The following TANGO6 variants were observed in gnomAD, a reference collection of about 807,000 sequenced individuals.
TANGO6 encodes the protein transport and golgi organization 6 homolog.
Under a neutral mutation model 114.2 loss-of-function variants are expected in TANGO6, and 90 were observed. The observed-to-expected ratio is 0.79, with a 90% confidence interval of 0.66 to 0.94. The LOEUF (loss-of-function observed/expected upper bound fraction) is 0.94, where lower values mean the gene tolerates loss of function less well. Among genes scored for constraint, TANGO6 ranks in the 40% least tolerant of loss-of-function variants. The pLI, the probability that TANGO6 is intolerant of heterozygous loss-of-function variation, is 0.00. For missense variants in TANGO6, 1,274 were observed against 1,315.3 expected (o/e 0.97, Z 0.49); for synonymous variants, 477 against 509.8 (o/e 0.94, Z 0.87).
rs868162196 is a variant in TANGO6 at position 69,042,776 on chromosome 16, T to C, written c.3108+2355T>C. Among the ~76,000 whole-genome samples the C allele has an allele frequency of 4.6e-5, 7 of 152,238 alleles. No homozygotes were observed. In the South Asian group the frequency reaches 1.5e-3, roughly 32 times the overall value. ...AGAGGGAGTTAAGAAGAATCAGTGTTTTTCATCCATTGTTAAGATCTACAA... is the reference window on the plus strand; with the variant it reads ...AGAGGGAGTTAAGAAGAATCAGTGTCTTTCATCCATTGTTAAGATCTACAA... On this transcript the variant is annotated intron_variant, in intron 17 of 17. Coordinates refer to ENST00000261778, the MANE Select transcript of TANGO6 (RefSeq NM_024562.2).
At position 69,061,420 on chromosome 16, in the gene TANGO6, G is replaced by A. The variant is rs374658791; in HGVS notation, c.3108+20999G>A. Among the ~76,000 whole-genome samples the A allele has an allele frequency of 9.9e-5, 15 of 152,042 alleles. No individual in the cohort carries two copies. In the East Asian group the frequency reaches 1.6e-3, roughly 16 times the overall value. ...CTCTACTAAAAATACAAAAATTAGC[G>A]GGGTGTGGTGGCATGCACCTGTAGT... On this transcript the variant is annotated intron_variant, in intron 17 of 17. Coordinates refer to ENST00000261778, the MANE Select transcript of TANGO6 (RefSeq NM_024562.2).
rs1410922715 is a variant in TANGO6 at position 69,059,923 on chromosome 16, C to T, written c.3108+19502C>T. On this transcript the variant is annotated intron_variant, in intron 17 of 17. Transcript: ENST00000261778. Reference sequence around the variant, plus strand: ...ACTCCTTTGCATGACATACAAGGCCCTTTGTAATCTGGACCCACCTGCCTT... The same window carrying T: ...ACTCCTTTGCATGACATACAAGGCCTTTTGTAATCTGGACCCACCTGCCTT... 2.6e-5 allele frequency among the ~76,000 whole-genome samples: 4 copies of T among 152,118 alleles called. No homozygotes were observed. The East Asian group carries it at 7.7e-4, about 29-fold the overall frequency.
intron 14 of TANGO6, among the ~76,000 whole-genome samples, chr16:68,952,982 G>A (rs984466921): frequency 2.0e-5 from 3 of 151,462 alleles, no homozygotes; most frequent in African/African-American, 7.3e-5. Context: ...ATTTTCTTTG[G>A]CAATTAGGGT....
At chr16:68,894,901 C>T (rs1271567505) in intron 7 of TANGO6, among the ~76,000 whole-genome samples, 3 of 152,066 alleles carry the variant, frequency 2.0e-5, no homozygotes, top group East Asian at 3.9e-4. Flanking sequence ...ACCTCCGAGT[C>T]CCTGGCAACC....
At chr16:68,924,245 C>A (rs963524499) in intron 12 of TANGO6, among the ~76,000 whole-genome samples, 1 of 152,206 alleles carries the variant, frequency 6.6e-6, no homozygotes, top group African/African-American at 2.4e-5. Context: ...TCATTGTGCT[C>A]ATTTATACAC....
chr16:69,004,006 CA>C (rs112221940), intron 15 of TANGO6, among the ~76,000 whole-genome samples: 1,451 of 143,874 alleles, frequency 0.01, 20 homozygotes, highest in African/African-American at 0.034. Context: ...TCTGAATTGG[CA>C]AAAAAAAAAA....
chr16:69,008,937 C>T (rs1964120279), intron 15 of TANGO6, among the ~76,000 whole-genome samples: 1 of 151,796 alleles, frequency 6.6e-6, no homozygotes, highest in African/African-American at 2.4e-5. Flanking sequence ...CCACCGAGCC[C>T]GGCTGAAGTT....
rs140518468 is a variant in TANGO6 at position 68,851,366 on chromosome 16, G to A, written c.94+7655G>A. On this transcript the variant is annotated intron_variant, in intron 1 of 17. Coordinates refer to ENST00000261778, the MANE Select transcript of TANGO6 (RefSeq NM_024562.2). ...GTAGAGACAGGGTTTCACCATGTTG[G>A]TCAGGCTGGCCTCGAACTCCTGACC... Among the ~76,000 whole-genome samples the A allele has an allele frequency of 4.8e-3, 731 of 152,136 alleles. 4 individuals are homozygous for A. Among genetic ancestry groups the A allele is most frequent in the African/African-American group, 0.017 (707 of 41,498 alleles).
intron 9 of TANGO6, among the ~76,000 whole-genome samples, chr16:68,903,530 A>G (rs1962810677): frequency 6.7e-6 from 1 of 149,268 alleles, no homozygotes; most frequent in African/African-American, 2.5e-5. Flanking sequence ...GAGGCAAAAG[A>G]ATTGCTTGAA....
At chr16:69,022,080 G>A (rs1249516356) in intron 15 of TANGO6, among the ~76,000 whole-genome samples, 2 of 151,622 alleles carry the variant, frequency 1.3e-5, no homozygotes, top group Non-Finnish European at 2.9e-5. Context: ...AGAGACGGGG[G>A]TTTCACCGTG....
In TANGO6 at chr16:69,014,443, A is replaced by G. The variant is rs375335168; in HGVS notation, c.2843-8385A>G. 7.9e-5 allele frequency among the ~76,000 whole-genome samples: 12 copies of G among 152,188 alleles called. No homozygotes were observed. In the South Asian group the frequency reaches 2.5e-3, roughly 32 times the overall value. On this transcript the variant is annotated intron_variant, in intron 15 of 17. Transcript: ENST00000261778. ...AAAGCAAAGGGAGATGTCCACCACG[A>G]TTCACTTAGACCAATGGAAACTGTA...
chr16:69,014,873 G>A (rs1959261253), intron 15 of TANGO6, among the ~76,000 whole-genome samples: 2 of 149,694 alleles, frequency 1.3e-5, no homozygotes, highest in South Asian at 2.1e-4. Context: ...TCTAGCCTGG[G>A]TGACAGAACA....
Position 68,996,490 on chromosome 16 carries a change from A to G in TANGO6, c.2842+22322A>G, listed in dbSNP as rs1329865826. Among the ~76,000 whole-genome samples the G allele has an allele frequency of 3.9e-5, 6 of 152,276 alleles. No homozygotes were observed. The East Asian group carries it at 5.8e-4, about 15-fold the overall frequency. On this transcript the variant is annotated intron_variant, in intron 15 of 17. Coordinates refer to ENST00000261778, the MANE Select transcript of TANGO6 (RefSeq NM_024562.2). The stretch of plus-strand genomic sequence containing the variant: ...CTGAAATGCAGGGAAAAAAGAGTAG[A>G]TGTTAGCGAGCACAAAAAAGGGGCA...
At chr16:68,850,161 A>G (rs898611549) in intron 1 of TANGO6, among the ~76,000 whole-genome samples, 3 of 151,874 alleles carry the variant, frequency 2.0e-5, no homozygotes, top group Non-Finnish European at 4.4e-5. Context: ...TTTGGTAGAG[A>G]TGGGGTTTCA....
At chr16:68,879,205 A>T (rs1962418775) in intron 6 of TANGO6, among the ~76,000 whole-genome samples, 1 of 151,926 alleles carries the variant, frequency 6.6e-6, no homozygotes, top group African/African-American at 2.4e-5. Context: ...TCCTGGGCTC[A>T]AGCGATCTTC....
intron 17 of TANGO6, among the ~76,000 whole-genome samples, chr16:69,068,026 A>G (rs1016711046): frequency 6.6e-6 from 1 of 151,800 alleles, no homozygotes; most frequent in Non-Finnish European, 1.5e-5. Context: ...CTGTAGTCCC[A>G]GCTACTCGGG....
At chr16:68,988,682 TTCTC>T (rs1202209734) in intron 15 of TANGO6, among the ~76,000 whole-genome samples, 1 of 149,352 alleles carries the variant, frequency 6.7e-6, no homozygotes, top group Admixed American at 6.7e-5. Flanking sequence ...AGAGTTTAAG[TTCTC>T]TCTCTCTTTT....
rs1385749682 is a variant in TANGO6 at position 69,083,601 on chromosome 16, C to T, written c.3225C>T (p.Ile1075=). The T allele has an allele frequency of 6.3e-7, 1 of 1,591,598 alleles. No individual in the cohort carries two copies. Among genetic ancestry groups the T allele is most frequent in the Non-Finnish European group, 8.6e-7 (1 of 1,168,934 alleles). The change falls in exon 18 of 18, where the codon ATC becomes ATT. Residue 1075 remains isoleucine (I), a synonymous_variant. Transcript: ENST00000261778. The part of the protein sequence containing the change: ...AQLALEELDD[I]MKNFLFPPQK... Reference sequence around the variant, plus strand: ...TGGCCCTAGAAGAGCTGGATGACATCATGAAAAACTTCCTGTTCCCTCCAC... The same window carrying T: ...TGGCCCTAGAAGAGCTGGATGACATTATGAAAAACTTCCTGTTCCCTCCAC...
intron 17 of TANGO6, among the ~76,000 whole-genome samples, chr16:69,076,938 A>C (rs1363428554): frequency 6.6e-6 from 1 of 152,138 alleles, no homozygotes; most frequent in Non-Finnish European, 1.5e-5. Flanking sequence ...CGGAGGTTGT[A>C]GTAAGCCAAG....
Sources: gnomAD v4.1 joint callset for allele counts (sites outside exome capture counted in the v4.1 genomes callset) on GRCh38, gnomAD v4.1.1 for gene constraint, MANE v1.5 for transcripts, NCBI Gene and HGNC (gene_info 2026-07-23, HGNC 2026-07-21) for gene names.